The following PDE10A variants were observed in gnomAD, a reference collection of about 807,000 sequenced individuals.
PDE10A encodes cAMP and cAMP-inhibited cGMP 3',5'-cyclic phosphodiesterase 10A.
A neutral mutation model predicts 97.7 loss-of-function variants in PDE10A; 39 were observed. The observed-to-expected ratio is 0.40, with a 90% CI of 0.31 to 0.52. The LOEUF (loss-of-function observed/expected upper bound fraction) is 0.52. Among genes scored for constraint, PDE10A ranks in the 20% least tolerant of loss-of-function variants. The pLI, the probability that PDE10A is intolerant of heterozygous loss-of-function variation, is 0.56. For missense variants in PDE10A, 731 were observed against 1,047.8 expected (o/e 0.70, Z 4.17); for synonymous variants, 371 against 376.8 (o/e 0.98, Z 0.18).
intron 18 of PDE10A, among the ~76,000 whole-genome samples, chr6:165,358,874 T>C (rs1384629683): frequency 2.0e-5 from 3 of 151,794 alleles, no homozygotes; most frequent in Non-Finnish European, 2.9e-5. Flanking sequence ...CTAGGGAAAC[T>C]GTAAAAAGAG....
chr6:165,439,755 T>C (rs1583288359), intron 5 of PDE10A, among the ~76,000 whole-genome samples: 1 of 152,334 alleles, frequency 6.6e-6, no homozygotes, highest in South Asian at 2.1e-4. Flanking sequence ...AATAGGTTGG[T>C]TCAGTAAAGG....
rs185313710 is a variant in PDE10A at position 165,819,599 on chromosome 6, G to A, written c.-615+167930C>T. Among the ~76,000 whole-genome samples, 147 of 152,210 alleles carry A rather than the reference G, an allele frequency of 9.7e-4. No homozygotes were observed. Among genetic ancestry groups the A allele is most frequent in the Middle Eastern group, 3.4e-3 (1 of 294 alleles). On this transcript the variant is annotated intron_variant, in intron 1 of 19. Transcript: ENST00000366882. The surrounding 1 kb of genome is among the most constrained non-coding windows in gnomAD (Gnocchi z 4.2). ...GCCGCGACCCCCACCCCGAGTTGCC[G>A]GACACAGTCAGGCAGAGCCGGTTGC...
chr6:165,987,752 G>C (rs1370718066), exon 1 of PDE10A: 1 of 456,334 alleles, frequency 2.2e-6, no homozygotes, highest in South Asian at 1.6e-5. Context: ...TCAGCAGGCA[G>C]ATTCCAAAGG....
At chr6:165,387,457 A>G (rs1315869540) in intron 17 of PDE10A, among the ~76,000 whole-genome samples, 1 of 152,198 alleles carries the variant, frequency 6.6e-6, no homozygotes. Context: ...TGGCATTTAG[A>G]GGAGGCCTGG....
chr6:165,510,150 T>C (rs373384861), intron 2 of PDE10A, among the ~76,000 whole-genome samples: 2 of 152,238 alleles, frequency 1.3e-5, no homozygotes, highest in East Asian at 3.9e-4. Context: ...CCTTGTCTTG[T>C]TCCAGGTCTT....
At chr6:165,454,601 T>C (rs1777837468) in intron 3 of PDE10A, among the ~76,000 whole-genome samples, 1 of 152,146 alleles carries the variant, frequency 6.6e-6, no homozygotes, top group Admixed American at 6.5e-5. Context: ...TAAAGCGTGA[T>C]CTCTTGCCCT....
chr6:165,554,528 G>C (rs1163341640), intron 1 of PDE10A, among the ~76,000 whole-genome samples: 1 of 152,120 alleles, frequency 6.6e-6, no homozygotes, highest in East Asian at 1.9e-4. Flanking sequence ...TACTGGCGAG[G>C]ATGTAGAGAA....
At position 165,470,143 on chromosome 6, in the gene PDE10A, A is replaced by T. The variant is rs115630517; in HGVS notation, c.1023+12172T>A. On this transcript the variant is annotated intron_variant, in intron 3 of 21. Transcript: ENST00000539869. ...CTGGTGAGGGCTTCAGGCTGCTTCC[A>T]CTCCTGGAGGAAGCAAAGGGGAACC... is the stretch of plus-strand genomic sequence containing the variant. Among the ~76,000 whole-genome samples, 1,022 of 152,180 alleles carry T rather than the reference A, an allele frequency of 6.7e-3. 19 individuals carry two copies. Among genetic ancestry groups the T allele is most frequent in the African/African-American group, 0.023 (973 of 41,534 alleles).
intron 1 of PDE10A, among the ~76,000 whole-genome samples, chr6:165,721,505 C>G (rs1419993147): frequency 3.9e-5 from 6 of 152,206 alleles, no homozygotes; most frequent in Admixed American, 6.5e-5. Flanking sequence ...TGTCCATACT[C>G]TAAGTGCCAC....
intron 1 of PDE10A, chr6:165,986,500 C>CCTCTCTCTCT (rs1353099002): frequency 2.3e-5 from 3 of 130,436 alleles, no homozygotes; most frequent in African/African-American, 9.4e-5. Flanking sequence ...TGGTGTTGCG[C>CCTCTCTCTCT]CTCTCTCTCT....
chr6:165,629,628 GGC>G (rs1788542286), intron 1 of PDE10A, among the ~76,000 whole-genome samples: 1 of 151,352 alleles, frequency 6.6e-6, no homozygotes, highest in South Asian at 2.1e-4. Context: ...CCACCTGCCA[GGC>G]TCAAGCCATC....
intron 1 of PDE10A, among the ~76,000 whole-genome samples, chr6:165,701,823 G>A (rs1348761961): frequency 1.3e-5 from 2 of 152,110 alleles, no homozygotes; most frequent in Admixed American, 1.3e-4. Flanking sequence ...GTGTGTGCAT[G>A]TGGTGAGTGT....
intron 1 of PDE10A, among the ~76,000 whole-genome samples, chr6:165,875,285 AC>A (rs1311632376): frequency 6.6e-6 from 1 of 152,198 alleles, no homozygotes; most frequent in Non-Finnish European, 1.5e-5. Context: ...CACAGTATGA[AC>A]ATCAAAACCT....
chr6:165,727,364 C>T (rs1562706664), intron 1 of PDE10A, among the ~76,000 whole-genome samples: 1 of 152,208 alleles, frequency 6.6e-6, no homozygotes, highest in Non-Finnish European at 1.5e-5. Context: ...CAAATCCAGC[C>T]ACCATCCCCT....
At chr6:165,652,464 G>A (rs912220657) in intron 1 of PDE10A, among the ~76,000 whole-genome samples, 7 of 152,066 alleles carry the variant, frequency 4.6e-5, no homozygotes, top group Admixed American at 1.3e-4. Context: ...TAGGATTACC[G>A]GCAAGAGCCA....
chr6:165,402,683 T>G (rs1786763430), intron 13 of PDE10A, among the ~76,000 whole-genome samples: 1 of 152,168 alleles, frequency 6.6e-6, no homozygotes, highest in Non-Finnish European at 1.5e-5. Context: ...AAAAGGTATA[T>G]GTGCTCAAAA....
intron 1 of PDE10A, among the ~76,000 whole-genome samples, chr6:165,565,663 T>C (rs1784741738): frequency 6.6e-6 from 1 of 152,114 alleles, no homozygotes; most frequent in Admixed American, 6.6e-5. Context: ...GGACTGACAA[T>C]ACCCAACTTC....
At chr6:165,640,644 C>T (rs532511298) in intron 1 of PDE10A, among the ~76,000 whole-genome samples, 4 of 152,292 alleles carry the variant, frequency 2.6e-5, no homozygotes, top group South Asian at 4.1e-4. Flanking sequence ...TGTTCAGAAA[C>T]GCGGAAACCA....
At chr6:165,837,695 G>A (rs1226517131) in intron 1 of PDE10A, among the ~76,000 whole-genome samples, 1 of 141,840 alleles carries the variant, frequency 7.1e-6, no homozygotes, top group Non-Finnish European at 1.5e-5. Context: ...TGGGGCAGGA[G>A]GCGGTGGGAG....
Sources: allele counts gnomAD v4.1 joint callset (sites outside exome capture counted in the v4.1 genomes callset), GRCh38; gene constraint gnomAD v4.1.1; non-coding constraint Gnocchi (gnomAD v3.1); transcripts MANE v1.5; gene names NCBI Gene and HGNC (gene_info 2026-07-23, HGNC 2026-07-21).